The following UGT1A4 variants were observed in gnomAD, a reference collection of about 807,000 sequenced individuals.
UGT1A4 encodes UDP glucuronosyltransferase family 1 member A4.
In UGT1A4, 32 loss-of-function variants were observed where a neutral mutation model predicts 41.1. The observed-to-expected ratio is 0.78, with a 90% CI of 0.59 to 1.05. The LOEUF is 1.05. Ranked by LOEUF, UGT1A4 falls within the 50% of genes least tolerant of loss-of-function variation. The probability of loss-of-function intolerance (pLI) is 0.00; values close to 1 mark genes in which losing one functional copy is unlikely to be tolerated. For synonymous variants in UGT1A4, 283 were observed against 265.1 expected (o/e 1.07, Z -0.66); for missense variants, 748 against 677.4 (o/e 1.10, Z -1.16).
At chr2:233,747,462 T>G (rs1386153404) in intron 1 of UGT1A4, 32 of 1,608,940 alleles carry the variant, frequency 2.0e-5, no homozygotes, top group Non-Finnish European at 1.7e-5. Flanking sequence ...TGCCATTTCA[T>G]GGACCCAGGA....
In UGT1A4 at chr2:233,743,982, C is replaced by T. The variant is rs6735370; in HGVS notation, c.868-23052C>T. The T allele has an allele frequency of 7.7e-4, 997 of 1,297,112 alleles. 32 individuals carry two copies. The African/African-American group carries it at 0.014, about 18-fold the overall frequency. 80.4% of individuals were successfully genotyped at this position (1,297,112 alleles called of 1,614,324 possible). On this transcript the variant is annotated intron_variant, in intron 1 of 4. Coordinates refer to ENST00000373409, the MANE Select transcript of UGT1A4 (RefSeq NM_007120.3). ...AGCGGCAAGGCTGCCAGCACCCAGG[C>T]GCAGGCCCGAGTGCTCGGAGACCTG...
intron 1 of UGT1A4, among the ~76,000 whole-genome samples, chr2:233,725,738 A>G (rs1198511442): frequency 6.6e-6 from 1 of 152,210 alleles, no homozygotes; most frequent in Non-Finnish European, 1.5e-5. Flanking sequence ...ACAAATGTAA[A>G]CATTGTAAGA....
At chr2:233,719,767 A>G (rs1291617855) in intron 1 of UGT1A4, 80 bp downstream of exon 1, 8 of 1,611,870 alleles carry the variant, frequency 5.0e-6, no homozygotes, top group Non-Finnish European at 6.8e-6. Context: ...AAGTGCTTCC[A>G]TATCTACTTA....
chr2:233,760,371 G>A, intron 1 of UGT1A4: 1 of 1,614,158 alleles, frequency 6.2e-7, no homozygotes, highest in Non-Finnish European at 8.5e-7. Flanking sequence ...CCCATGCTGG[G>A]AAGATACTGT....
At chr2:233,732,500 A>G (rs1425812715) in intron 1 of UGT1A4, among the ~76,000 whole-genome samples, 1 of 152,238 alleles carries the variant, frequency 6.6e-6, no homozygotes, top group Non-Finnish European at 1.5e-5. Context: ...GGCGTAAGGA[A>G]GGGATCCTGT....
At chr2:233,770,357 A>G (rs1700064442) in intron 4 of UGT1A4, 1 of 152,214 alleles carries the variant, frequency 6.6e-6, no homozygotes, top group Admixed American at 6.5e-5. Flanking sequence ...TATTGAATGA[A>G]TGAATGAAAG....
At chr2:233,747,315 A>G (rs1575682403) in intron 1 of UGT1A4, 17 of 1,603,040 alleles carry the variant, frequency 1.1e-5, no homozygotes, top group Admixed American at 6.7e-5. Flanking sequence ...TGCTGGTGGT[A>G]CCCATTGATG....
Position 233,748,487 on chromosome 2 carries a change from A to G in UGT1A4, c.868-18547A>G, listed in dbSNP as rs58741345. 1.8e-3 allele frequency among the ~76,000 whole-genome samples: 274 copies of G among 151,976 alleles called. 7 individuals carry two copies. The highest frequency in any genetic ancestry group is 6.4e-3 in the African/African-American group (263 of 41,268). On this transcript the variant is annotated intron_variant, in intron 1 of 4. Transcript: ENST00000373409. ...ATGCAACAGCAAATTACAATTGTTAATGTGATAATTTTTAGTGGTCCTGTC... is the reference window on the plus strand; with the variant it reads ...ATGCAACAGCAAATTACAATTGTTAGTGTGATAATTTTTAGTGGTCCTGTC...
At chr2:233,722,501 C>T (rs767685172) in intron 1 of UGT1A4, among the ~76,000 whole-genome samples, 36 of 152,106 alleles carry the variant, frequency 2.4e-4, no homozygotes, top group Non-Finnish European at 3.8e-4. Context: ...TTTTCCGTTT[C>T]GTTAATTGCA....
chr2:233,759,541 C>A (rs1020987350), intron 1 of UGT1A4, among the ~76,000 whole-genome samples: 1 of 152,092 alleles, frequency 6.6e-6, no homozygotes, highest in Non-Finnish European at 1.5e-5. Flanking sequence ...TGTTCACATG[C>A]GCTCCAGTGA....
At chr2:233,756,814 A>C (rs985210538) in intron 1 of UGT1A4, among the ~76,000 whole-genome samples, 2 of 152,110 alleles carry the variant, frequency 1.3e-5, no homozygotes, top group Admixed American at 6.5e-5. Flanking sequence ...AGGTCACTCA[A>C]TTCCAAGGGG....
intron 1 of UGT1A4, among the ~76,000 whole-genome samples, chr2:233,733,093 A>C (rs1291548117): frequency 1.3e-5 from 2 of 152,138 alleles, no homozygotes; most frequent in Non-Finnish European, 2.9e-5. Flanking sequence ...GAGTTCACTC[A>C]TGGTTTGGCT....
chr2:233,754,548 G>A (rs760098781), intron 1 of UGT1A4: 6 of 380,460 alleles, frequency 1.6e-5, no homozygotes, highest in African/African-American at 2.1e-5. Context: ...GGAATTACTT[G>A]GTGTCAATGG....
intron 2 of UGT1A4, 69 bp from the exon 3 acceptor site, chr2:233,767,780 G>A (rs1699481282): frequency 1.9e-6 from 3 of 1,613,138 alleles, no homozygotes; most frequent in Non-Finnish European, 2.5e-6. Flanking sequence ...TTTCTAGTTA[G>A]TATAGCAGAT....
chr2:233,724,386 G>A (rs1217254636), intron 1 of UGT1A4, among the ~76,000 whole-genome samples: 4 of 141,148 alleles, frequency 2.8e-5, no homozygotes, highest in Non-Finnish European at 3.1e-5. Flanking sequence ...GGGCGGAGAC[G>A]CTCCTCACTT....
chr2:233,720,815 C>T (rs1284944346), intron 1 of UGT1A4, among the ~76,000 whole-genome samples: 2 of 151,724 alleles, frequency 1.3e-5, no homozygotes, highest in Non-Finnish European at 1.5e-5. Flanking sequence ...AAGAAATTCT[C>T]CCACCTCAGT....
chr2:233,749,178 ACTT>A (rs1418442763), intron 1 of UGT1A4, among the ~76,000 whole-genome samples: 1 of 151,644 alleles, frequency 6.6e-6, no homozygotes, highest in Non-Finnish European at 1.5e-5. Flanking sequence ...TTATTTCTGT[ACTT>A]CTTTTTATTA....
chr2:233,769,404 C>A lies in UGT1A4; in HGVS notation c.1307+965C>A. The A allele has an allele frequency of 8.2e-7, 1 of 1,225,146 alleles. No homozygotes were observed. The highest frequency in any genetic ancestry group is 1.2e-6 in the Non-Finnish European group (1 of 856,112). The allele number at this position is 1,225,146 out of a possible 1,614,324, so 75.9% of individuals were successfully genotyped here. ...ACAATAGATACTGTGTGCATATGTGCGTGTGCGTTTGTGCATGTGGCTGTG... is the reference window on the plus strand; with the variant it reads ...ACAATAGATACTGTGTGCATATGTGAGTGTGCGTTTGTGCATGTGGCTGTG... On this transcript the variant is annotated intron_variant, in intron 4 of 4. Transcript: ENST00000373409. The surrounding 1 kb of genome is among the most constrained non-coding windows in gnomAD (Gnocchi z 4.4).
At chr2:233,741,345 A>C (rs1260340579) in intron 1 of UGT1A4, among the ~76,000 whole-genome samples, 2 of 151,734 alleles carry the variant, frequency 1.3e-5, no homozygotes, top group African/African-American at 2.4e-5. Flanking sequence ...AGTGATTTCC[A>C]ACACACAAAA....
Sources: gnomAD v4.1 joint callset for allele counts (sites outside exome capture counted in the v4.1 genomes callset) on GRCh38, gnomAD v4.1.1 for gene constraint, Gnocchi (gnomAD v3.1) non-coding constraint, MANE v1.5 for transcripts, NCBI Gene and HGNC (gene_info 2026-07-23, HGNC 2026-07-21) for gene names.